The following CMTM7 variants were observed in gnomAD, a reference collection of about 807,000 sequenced individuals.
The protein encoded by CMTM7 is CKLF like MARVEL transmembrane domain containing 7.
CMTM7 carries 7 observed loss-of-function variants against 19.3 expected under a neutral mutation model. The observed-to-expected ratio is 0.36, with a 90% confidence interval of 0.21 to 0.68. The LOEUF (loss-of-function observed/expected upper bound fraction) is 0.68, where lower values mean the gene tolerates loss of function less well. CMTM7 is among the 30% of genes least tolerant of loss of function. The pLI, the probability that CMTM7 is intolerant of heterozygous loss-of-function variation, is 0.60. For synonymous variants in CMTM7, 87 were observed against 99.3 expected (o/e 0.88, Z 0.74); for missense variants, 193 against 232.6 (o/e 0.83, Z 1.11).
Position 32,437,055 on chromosome 3 carries a change from G to A in CMTM7, c.160-4785G>A, listed in dbSNP as rs577267148. ...GACTAGTTTGGTTCCAGAGTCCTCA[G>A]GGGACCATCACTTTTCTCAGATCAT... On this transcript the variant is annotated intron_variant, in intron 1 of 4. Coordinates refer to ENST00000334983, the MANE Select transcript of CMTM7 (RefSeq NM_138410.4). Among the ~76,000 whole-genome samples, 3 of 151,518 alleles carry A rather than the reference G, an allele frequency of 2.0e-5. No homozygotes were observed. The East Asian group carries it at 5.8e-4, about 29-fold the overall frequency.
At chr3:32,392,454 A>T (rs1695851799) in intron 1 of CMTM7, among the ~76,000 whole-genome samples, 1 of 152,216 alleles carries the variant, frequency 6.6e-6, no homozygotes, top group African/African-American at 2.4e-5. Context: ...AGAGTCGCCC[A>T]GGCGGCGGCG....
Position 32,442,613 on chromosome 3 carries a change from G to A in CMTM7, c.333+600G>A, listed in dbSNP as rs72858822. Reference sequence around the variant, plus strand: ...GTGTATGAGTTGGGAAAAGGAACACGGAAGGAAATTGTAGGTGAAGATGAT... The same window carrying A: ...GTGTATGAGTTGGGAAAAGGAACACAGAAGGAAATTGTAGGTGAAGATGAT... On this transcript the variant is annotated intron_variant, in intron 2 of 4. Coordinates refer to ENST00000334983, the MANE Select transcript of CMTM7 (RefSeq NM_138410.4). Among the ~76,000 whole-genome samples, 387 of 151,960 alleles carry A rather than the reference G, an allele frequency of 2.5e-3. 1 individual carries two copies. Among genetic ancestry groups the A allele is most frequent in the African/African-American group, 8.9e-3 (368 of 41,448 alleles).
intron 1 of CMTM7, among the ~76,000 whole-genome samples, chr3:32,393,938 T>C (rs59855940): frequency 0.16 from 25,069 of 152,210 alleles, 2,542 homozygotes; most frequent in Non-Finnish European, 0.23. Context: ...AATTTGCAAG[T>C]GGCAAGAGTG....
At chr3:32,447,774 T>C (rs904988240) in intron 2 of CMTM7, among the ~76,000 whole-genome samples, 1 of 152,186 alleles carries the variant, frequency 6.6e-6, no homozygotes, top group Non-Finnish European at 1.5e-5. Context: ...GTTGTTTGCG[T>C]GCCATTTCCT....
Position 32,455,286 on chromosome 3 carries a change from G to A in CMTM7, c.*1032G>A, listed in dbSNP as rs1696890931. 1 of 152,246 alleles carries A rather than the reference G, an allele frequency of 6.6e-6. No individual in the cohort carries two copies. The highest frequency in any genetic ancestry group is 1.5e-5 in the Non-Finnish European group (1 of 68,060). 9.4% of individuals were successfully genotyped at this position (152,246 alleles called of 1,614,324 possible). On this transcript the variant is annotated 3_prime_UTR_variant, in exon 5 of 5. Coordinates refer to ENST00000334983, the MANE Select transcript of CMTM7 (RefSeq NM_138410.4). ...CTAATAGCGATGGTAGTGACTGCAA[G>A]GGGGCAGGTTATAGGACCACATTTT...
chr3:32,451,982 C>T (rs185848788), intron 3 of CMTM7: 51 of 875,156 alleles, frequency 5.8e-5, no homozygotes, highest in African/African-American at 1.0e-4. Flanking sequence ...ATGCGAACAA[C>T]GCCACTACAC....
intron 1 of CMTM7, among the ~76,000 whole-genome samples, chr3:32,399,494 C>T (rs1695970176): frequency 1.3e-5 from 2 of 152,076 alleles, no homozygotes; most frequent in Admixed American, 1.3e-4. Context: ...GTCCTGGAGA[C>T]CCTCTAAGAG....
intron 1 of CMTM7, among the ~76,000 whole-genome samples, chr3:32,410,660 G>A (rs1022667544): frequency 1.3e-5 from 2 of 152,206 alleles, no homozygotes; most frequent in Non-Finnish European, 2.9e-5. Flanking sequence ...AGAGAGGCTA[G>A]GATTCCTGTC....
At chr3:32,445,376 G>A (rs1334994413) in intron 2 of CMTM7, among the ~76,000 whole-genome samples, 1 of 152,120 alleles carries the variant, frequency 6.6e-6, no homozygotes, top group Non-Finnish European at 1.5e-5. Flanking sequence ...TCAAGTTGAA[G>A]TTCCCTTCTA....
intron 1 of CMTM7, among the ~76,000 whole-genome samples, chr3:32,418,065 A>G (rs1045204590): frequency 6.6e-6 from 1 of 152,164 alleles, no homozygotes; most frequent in Non-Finnish European, 1.5e-5. Flanking sequence ...TAAGAGCTCC[A>G]CCTGCGTCAG....
Position 32,409,346 on chromosome 3 carries a change from T to C in CMTM7, c.159+17281T>C, listed in dbSNP as rs1575111330. Among the ~76,000 whole-genome samples the C allele has an allele frequency of 2.0e-5, 3 of 152,312 alleles. No individual in the cohort carries two copies. The South Asian group carries it at 6.2e-4, about 32-fold the overall frequency. On this transcript the variant is annotated intron_variant, in intron 1 of 4. Coordinates refer to ENST00000334983, the MANE Select transcript of CMTM7 (RefSeq NM_138410.4). ...TGCTATTATTTTTTTCTTGGAACCA[T>C]TTGAGAGTGAGTTGCAGACATCATG...
At chr3:32,408,406 C>G (rs1027449833) in intron 1 of CMTM7, among the ~76,000 whole-genome samples, 2 of 152,196 alleles carry the variant, frequency 1.3e-5, no homozygotes, top group Non-Finnish European at 2.9e-5. Context: ...TTGCTCATTT[C>G]TAGGAATTAA....
intron 1 of CMTM7, among the ~76,000 whole-genome samples, chr3:32,427,734 G>A (rs922988123): frequency 9.2e-5 from 14 of 152,158 alleles, no homozygotes; most frequent in African/African-American, 3.1e-4. Flanking sequence ...GCAGATTAAA[G>A]GATAGAGAAT....
chr3:32,393,640 A>T (rs1032001288), intron 1 of CMTM7, among the ~76,000 whole-genome samples: 12 of 152,162 alleles, frequency 7.9e-5, no homozygotes, highest in African/African-American at 2.9e-4. Flanking sequence ...AAAAAATTTT[A>T]AAACCTTGTG....
At chr3:32,397,799 C>T (rs985492678) in intron 1 of CMTM7, among the ~76,000 whole-genome samples, 3 of 152,138 alleles carry the variant, frequency 2.0e-5, no homozygotes, top group Non-Finnish European at 1.5e-5. Flanking sequence ...GACTGCCCAA[C>T]CCCCTGGGAA....
At chr3:32,442,355 C>T (rs1322659251) in intron 2 of CMTM7, among the ~76,000 whole-genome samples, 5 of 151,588 alleles carry the variant, frequency 3.3e-5, no homozygotes, top group African/African-American at 1.2e-4. Context: ...AAAAATCAGC[C>T]GGGCGTGGTG....
At chr3:32,400,521 T>G (rs1695987407) in intron 1 of CMTM7, among the ~76,000 whole-genome samples, 1 of 150,330 alleles carries the variant, frequency 6.7e-6, no homozygotes. Context: ...GCCTCCCGAG[T>G]AGCTGGGACT....
At chr3:32,401,165 G>A (rs1389024905) in intron 1 of CMTM7, among the ~76,000 whole-genome samples, 2 of 152,192 alleles carry the variant, frequency 1.3e-5, no homozygotes, top group Admixed American at 6.5e-5. Context: ...GCTTTTAAAT[G>A]CTCTTGTATT....
intron 1 of CMTM7, among the ~76,000 whole-genome samples, chr3:32,415,726 A>G (rs1696250288): frequency 6.6e-6 from 1 of 152,182 alleles, no homozygotes; most frequent in South Asian, 2.1e-4. Flanking sequence ...GAGATCTTTA[A>G]TCTTTTCTCC....
Sources: gnomAD v4.1 joint callset for allele counts (sites outside exome capture counted in the v4.1 genomes callset) on GRCh38, gnomAD v4.1.1 for gene constraint, MANE v1.5 for transcripts, NCBI Gene and HGNC (gene_info 2026-07-23, HGNC 2026-07-21) for gene names.